Variants in NKAIN2 observed in about 807,000 individuals in gnomAD.
NKAIN2 encodes sodium/potassium transporting ATPase interacting 2, also known as sodium/potassium-transporting ATPase subunit beta-1-interacting protein 2.
NKAIN2 carries 14 observed loss-of-function variants against 32.6 expected under a neutral mutation model. The ratio of observed to expected loss-of-function variants is 0.43; its 90% CI spans 0.28 to 0.67. The LOEUF (loss-of-function observed/expected upper bound fraction) is 0.67. Among genes scored for constraint, NKAIN2 ranks in the 30% least tolerant of loss-of-function variants. The pLI is 0.17. For synonymous variants in NKAIN2, 80 were observed against 87.2 expected (o/e 0.92, Z 0.46); for missense variants, 198 against 258.3 (o/e 0.77, Z 1.60).
chr6:124,427,454 T>A (rs1775028851), intron 3 of NKAIN2, among the ~76,000 whole-genome samples: 1 of 152,222 alleles, frequency 6.6e-6, no homozygotes, highest in Non-Finnish European at 1.5e-5. Flanking sequence ...AATGGTATAC[T>A]TTAAATATAA....
chr6:124,025,662 A>G (rs1464621457), intron 1 of NKAIN2, among the ~76,000 whole-genome samples: 4 of 152,170 alleles, frequency 2.6e-5, no homozygotes, highest in African/African-American at 9.6e-5. Context: ...TATACTTGAA[A>G]TTTGCTAAGA....
At chr6:124,687,476 A>AAT (rs201555416) in intron 4 of NKAIN2, among the ~76,000 whole-genome samples, 951 of 2,932 alleles carry the variant, frequency 0.32, 22 homozygotes, top group Middle Eastern at 0.5. Flanking sequence ...ACATACATGG[A>AAT]ATATATATAT....
At chr6:124,817,773 A>T (rs542776357) in intron 5 of NKAIN2, among the ~76,000 whole-genome samples, 120 of 152,198 alleles carry the variant, frequency 7.9e-4, no homozygotes, top group Non-Finnish European at 1.5e-3. Flanking sequence ...ATCTTATTGT[A>T]TCTTACATTG....
intron 1 of NKAIN2, among the ~76,000 whole-genome samples, chr6:123,853,060 T>C (rs180889552): frequency 1.3e-5 from 2 of 152,226 alleles, no homozygotes; most frequent in African/African-American, 4.8e-5. Context: ...AAATAAGCAC[T>C]ATGATTCAGA....
chr6:124,407,124 A>C (rs483052), intron 3 of NKAIN2, among the ~76,000 whole-genome samples: 120,979 of 151,976 alleles, frequency 0.8, 48,417 homozygotes, highest in East Asian at 0.87. Flanking sequence ...GGTCACAAAA[A>C]TTTTATATTT....
intron 3 of NKAIN2, among the ~76,000 whole-genome samples, chr6:124,430,669 C>CAA (rs34585136): frequency 3.4e-5 from 5 of 146,022 alleles, no homozygotes; most frequent in South Asian, 2.2e-4. Context: ...ATGTATATTT[C>CAA]AAAAAAAAAA....
intron 3 of NKAIN2, among the ~76,000 whole-genome samples, chr6:124,653,495 C>G (rs1784438769): frequency 8.0e-6 from 1 of 124,602 alleles, no homozygotes. Context: ...GTGTCCTTGA[C>G]AAAAATTAAC....
At chr6:124,123,008 A>G (rs941987600) in intron 1 of NKAIN2, among the ~76,000 whole-genome samples, 4 of 152,160 alleles carry the variant, frequency 2.6e-5, no homozygotes, top group Non-Finnish European at 4.4e-5. Flanking sequence ...TGTAGTATAA[A>G]TCATTTTTCC....
chr6:123,810,641 A>G (rs1049762330), intron 1 of NKAIN2, among the ~76,000 whole-genome samples: 3 of 150,542 alleles, frequency 2.0e-5, no homozygotes, highest in African/African-American at 7.5e-5. Flanking sequence ...AAGAAAAAAT[A>G]TATTCTTTTT....
intron 1 of NKAIN2, among the ~76,000 whole-genome samples, chr6:124,270,252 G>A (rs1794695046): frequency 6.6e-6 from 1 of 152,086 alleles, no homozygotes; most frequent in Non-Finnish European, 1.5e-5. Flanking sequence ...AAACGGAGAG[G>A]GCAGAACTAT....
chr6:124,340,677 A>G (rs912212635), intron 2 of NKAIN2, among the ~76,000 whole-genome samples: 1 of 152,256 alleles, frequency 6.6e-6, no homozygotes, highest in South Asian at 2.1e-4. Context: ...TAAGCATGTA[A>G]AAGTATAGTT....
Position 124,149,836 on chromosome 6 carries a change from C to T in NKAIN2, c.55-133169C>T, listed in dbSNP as rs1030247342. On this transcript the variant is annotated intron_variant, in intron 1 of 6. Transcript: ENST00000368417. Reference sequence around the variant, plus strand: ...AGTGTAAGAGCAGTTAGGTGACTGCCTGGCTCTAGTGGCCAGACAGCAGCC... The same window carrying T: ...AGTGTAAGAGCAGTTAGGTGACTGCTTGGCTCTAGTGGCCAGACAGCAGCC... Among the ~76,000 whole-genome samples, 17 of 147,826 alleles carry T rather than the reference C, an allele frequency of 1.2e-4. No homozygotes were observed. The South Asian group carries it at 1.9e-3, about 17-fold the overall frequency.
intron 1 of NKAIN2, among the ~76,000 whole-genome samples, chr6:123,862,459 A>C (rs552223316): frequency 7.9e-5 from 12 of 152,256 alleles, no homozygotes; most frequent in East Asian, 1.9e-4. Context: ...TCACTTCATC[A>C]TCCAAAAAGG....
chr6:124,145,084 T>G (rs1220872294), intron 1 of NKAIN2, among the ~76,000 whole-genome samples: 2 of 152,158 alleles, frequency 1.3e-5, no homozygotes, highest in Non-Finnish European at 2.9e-5. Flanking sequence ...CAGATATCAC[T>G]ACACATATAT....
intron 1 of NKAIN2, among the ~76,000 whole-genome samples, chr6:123,969,652 A>G (rs1778249130): frequency 6.6e-6 from 1 of 152,174 alleles, no homozygotes; most frequent in African/African-American, 2.4e-5. Context: ...GACCTTTAAC[A>G]CATTTATCAG....
chr6:124,573,154 G>T (rs1017504740), intron 3 of NKAIN2, among the ~76,000 whole-genome samples: 2 of 151,856 alleles, frequency 1.3e-5, no homozygotes, highest in Admixed American at 1.3e-4. Context: ...AGTTATTTTT[G>T]AACTGTGAAT....
intron 1 of NKAIN2, among the ~76,000 whole-genome samples, chr6:123,849,606 AGTT>A (rs1775231616): frequency 6.6e-6 from 1 of 152,070 alleles, no homozygotes; most frequent in South Asian, 2.1e-4. Flanking sequence ...TAGGCAAAGC[AGTT>A]TCGGCAGTCT....
At chr6:123,863,202 A>G (rs1775854782) in intron 1 of NKAIN2, among the ~76,000 whole-genome samples, 1 of 152,234 alleles carries the variant, frequency 6.6e-6, no homozygotes, top group Non-Finnish European at 1.5e-5. Flanking sequence ...GGATAGAAGT[A>G]GATATTAAAA....
chr6:123,803,918 C>T lies in NKAIN2; in HGVS notation c.-283C>T, dbSNP rs963490715. ...AGGCTGCCGCTGCTGCCCCTGCGGG[C>T]CCCGAGCGCGCCTCCGCAGGCGGCA... On this transcript the variant is annotated 5_prime_UTR_variant, in exon 1 of 7. Coordinates refer to ENST00000368417, the MANE Select transcript of NKAIN2 (RefSeq NM_001040214.3). Among the ~76,000 whole-genome samples the T allele has an allele frequency of 6.7e-6, 1 of 148,404 alleles. No individual in the cohort carries two copies. Among genetic ancestry groups the T allele is most frequent in the Non-Finnish European group, 1.5e-5 (1 of 66,644 alleles).
Sources: gnomAD v4.1 joint callset for allele counts (sites outside exome capture counted in the v4.1 genomes callset) on GRCh38, gnomAD v4.1.1 for gene constraint, MANE v1.5 for transcripts, NCBI Gene and HGNC (gene_info 2026-07-23, HGNC 2026-07-21) for gene names.